The following ACOX3 variants were observed in gnomAD, a reference collection of about 807,000 sequenced individuals.
The protein encoded by ACOX3 is acyl-CoA oxidase 3, pristanoyl.
Under a neutral mutation model 81.5 loss-of-function variants are expected in ACOX3, and 73 were observed. The ratio of observed to expected loss-of-function variants is 0.90; its 90% CI spans 0.74 to 1.09. The LOEUF is 1.09. Ranked by LOEUF, ACOX3 falls within the 50% of genes least tolerant of loss-of-function variation. The pLI is 0.00. For missense variants in ACOX3, 947 were observed against 928.0 expected, an observed-to-expected ratio of 1.02 and a Z score of -0.27; for synonymous variants, 387 against 375.1, an observed-to-expected ratio of 1.03 and a Z score of -0.37.
intron 1 of ACOX3, among the ~76,000 whole-genome samples, chr4:8,429,913 A>C (rs1723856698): frequency 6.6e-6 from 1 of 151,820 alleles, no homozygotes; most frequent in Admixed American, 6.6e-5. Flanking sequence ...TCTGCATTAA[A>C]AAAAAAAAAG....
chr4:8,425,375 T>G (rs747182242), intron 1 of ACOX3, among the ~76,000 whole-genome samples: 4 of 151,958 alleles, frequency 2.6e-5, no homozygotes, highest in Non-Finnish European at 4.4e-5. Context: ...CATAGTTTCT[T>G]CCCCTCAGGA....
At position 8,416,013 on chromosome 4, in the gene ACOX3, A is replaced by C. The variant is rs753045953; in HGVS notation, c.145-14T>G. On this transcript the variant is annotated splice_polypyrimidine_tract_variant and intron_variant, in intron 2 of 17. Coordinates refer to ENST00000356406, the MANE Select transcript of ACOX3 (RefSeq NM_003501.3). The surrounding 1 kb of genome is among the most constrained non-coding windows in gnomAD (Gnocchi z 4.2). The stretch of plus-strand genomic sequence containing the variant: ...GAAGATGGTTTTCTGGAAATGCAGG[A>C]GATGGGTAAGGCTTATTTGGAGTAA... 1 of 1,610,420 alleles carries C rather than the reference A, an allele frequency of 6.2e-7. No individual in the cohort carries two copies. Among genetic ancestry groups the C allele is most frequent in the Non-Finnish European group, 8.5e-7 (1 of 1,176,852 alleles).
At position 8,389,359 on chromosome 4, in the gene ACOX3, C is replaced by A. The variant is rs1718690043; in HGVS notation, c.1424-73G>T. On this transcript the variant is annotated intron_variant, in intron 12 of 17. Coordinates refer to ENST00000356406, the MANE Select transcript of ACOX3 (RefSeq NM_003501.3). The surrounding 1 kb of genome is among the most constrained non-coding windows in gnomAD (Gnocchi z 5.3). ...CATTGGGAACCCCAAGCTGGGGGCA[C>A]CCCAAAGCACAGAGAGTGTCCAGAG... The A allele has an allele frequency of 6.8e-7, 1 of 1,461,682 alleles. No homozygotes were observed. The highest frequency in any genetic ancestry group is 1.4e-5 in the African/African-American group (1 of 71,656). The allele number at this position is 1,461,682 out of a possible 1,614,324, so 90.5% of individuals were successfully genotyped here.
Position 8,406,142 on chromosome 4 carries a change from AAC to A in ACOX3, c.688-101_688-100del. 2.6e-6 allele frequency: 3 copies of A among 1,162,004 alleles called. No homozygotes were observed. The highest frequency in any genetic ancestry group is 3.8e-6 in the Non-Finnish European group (3 of 779,676). The allele number at this position is 1,162,004 out of a possible 1,614,324, so 72.0% of individuals were successfully genotyped here. On this transcript the variant is annotated intron_variant, in intron 6 of 17. Transcript: ENST00000356406. The surrounding 1 kb of genome is among the most constrained non-coding windows in gnomAD (Gnocchi z 5.6). ...AACCCACAGGGTGGGCCATGGGCTCAACGCTGGGCGGCTGTGGGTTAAACCAT... is the reference window on the plus strand; with the variant it reads ...AACCCACAGGGTGGGCCATGGGCTCAGCTGGGCGGCTGTGGGTTAAACCAT...
the ACOX3 span, among the ~76,000 whole-genome samples, chr4:8,361,015 TA>T: frequency 9.2e-5 from 14 of 151,840 alleles, 1 homozygote; most frequent in Non-Finnish European, 2.9e-5. Flanking sequence ...TTAAGACTGC[TA>T]AAAAAAACAG....
chr4:8,404,435 CTTTTT>C (rs370622347), intron 7 of ACOX3, among the ~76,000 whole-genome samples: 14 of 125,382 alleles, frequency 1.1e-4, no homozygotes, highest in African/African-American at 3.3e-4. Context: ...TCTTGTTTTG[CTTTTT>C]TTTTTTTTTT....
At position 8,384,296 on chromosome 4, in the gene ACOX3, A is replaced by C. The variant is rs908032538; in HGVS notation, c.1538-2689T>G. Among the ~76,000 whole-genome samples the C allele has an allele frequency of 7.9e-5, 12 of 152,206 alleles. No individual in the cohort carries two copies. The highest frequency in any genetic ancestry group is 2.9e-4 in the African/African-American group (12 of 41,454). Reference sequence around the variant, plus strand: ...TAAATCATGTCAGTCTGATGTGTTCATGTGCAGGGGAGAAGATCCCCAAAA... The same window carrying C: ...TAAATCATGTCAGTCTGATGTGTTCCTGTGCAGGGGAGAAGATCCCCAAAA... On this transcript the variant is annotated intron_variant, in intron 13 of 17. Coordinates refer to ENST00000356406, the MANE Select transcript of ACOX3 (RefSeq NM_003501.3). The surrounding 1 kb of genome is among the most constrained non-coding windows in gnomAD (Gnocchi z 5.3).
chr4:8,358,091 G>A, the ACOX3 span: 6 of 152,200 alleles, frequency 3.9e-5, no homozygotes, highest in Admixed American at 2.0e-4. Flanking sequence ...ACGGGACTCC[G>A]GTATAGCATC....
chr4:8,440,596 C>T (rs1724567521), intron 1 of ACOX3, 52 bp downstream of exon 1: 10 of 502,778 alleles, frequency 2.0e-5, no homozygotes, highest in South Asian at 4.1e-5. Flanking sequence ...TGTAACTATA[C>T]CACGCCCAGA....
chr4:8,433,767 G>A (rs1724077647), intron 1 of ACOX3, among the ~76,000 whole-genome samples: 1 of 152,188 alleles, frequency 6.6e-6, no homozygotes. Flanking sequence ...AGGGATTAAT[G>A]TACAAAAGTA....
At chr4:8,390,890 G>GT (rs1251254325) in intron 11 of ACOX3, among the ~76,000 whole-genome samples, 1 of 152,152 alleles carries the variant, frequency 6.6e-6, no homozygotes, top group Non-Finnish European at 1.5e-5. Context: ...TTCCTGCCAC[G>GT]TAACAGGTTG....
chr4:8,394,880 T>C lies in ACOX3; in HGVS notation c.1057-138A>G, dbSNP rs1719511098. 8.5e-7 allele frequency: 1 copy of C among 1,171,600 alleles called. No individual in the cohort carries two copies. The highest frequency in any genetic ancestry group is 1.2e-6 in the Non-Finnish European group (1 of 861,726). The allele number at this position is 1,171,600 out of a possible 1,614,324, so 72.6% of individuals were successfully genotyped here. A position where few individuals can be genotyped will look rare whatever the true frequency, so the allele number is the denominator to read the frequency against. ...TAGCGCTGAAGGTCTTCACATGTCT[T>C]CCCGGCACATCAGAAAGCCTTCACC... is the stretch of plus-strand genomic sequence containing the variant. On this transcript the variant is annotated intron_variant, in intron 9 of 17. Transcript: ENST00000356406. The surrounding 1 kb of genome is among the most constrained non-coding windows in gnomAD (Gnocchi z 5.9).
chr4:8,377,877 G>A (rs1164215862), intron 14 of ACOX3, among the ~76,000 whole-genome samples: 1 of 152,204 alleles, frequency 6.6e-6, no homozygotes, highest in Non-Finnish European at 1.5e-5. Flanking sequence ...TACGGTTAGG[G>A]CTGGCGCACT....
intron 15 of ACOX3, chr4:8,373,868 G>A: frequency 1.7e-6 from 1 of 573,440 alleles, no homozygotes. Flanking sequence ...GGCAGCGAGG[G>A]AGGCAAGGTC....
In ACOX3 at chr4:8,368,439, A is replaced by G. The variant is rs1359245846; in HGVS notation, c.1984-1359T>C. 6.6e-6 allele frequency among the ~76,000 whole-genome samples: 1 copy of G among 152,218 alleles called. No individual in the cohort carries two copies. Among genetic ancestry groups the G allele is most frequent in the African/African-American group, 2.4e-5 (1 of 41,458 alleles). ...GGCCTGGGGAGGTGGTCTATTGTGTATCCAGCTTACGCTGACCCATTTTAT... is the reference window on the plus strand; with the variant it reads ...GGCCTGGGGAGGTGGTCTATTGTGTGTCCAGCTTACGCTGACCCATTTTAT... On this transcript the variant is annotated intron_variant, in intron 17 of 17. Coordinates refer to ENST00000356406, the MANE Select transcript of ACOX3 (RefSeq NM_003501.3). The surrounding 1 kb of genome is among the most constrained non-coding windows in gnomAD (Gnocchi z 5.9).
intron 16 of ACOX3, among the ~76,000 whole-genome samples, chr4:8,372,607 C>T (rs556580604): frequency 5.5e-4 from 84 of 152,272 alleles, no homozygotes; most frequent in Non-Finnish European, 8.4e-4. Context: ...CACATACGTG[C>T]GCCACAATCA....
intron 11 of ACOX3, 41 bp downstream of exon 11, chr4:8,392,292 G>A (rs1039123175): frequency 6.9e-7 from 1 of 1,456,990 alleles, no homozygotes; most frequent in Non-Finnish European, 9.1e-7. Flanking sequence ...AAACAGCAGG[G>A]CTAAGGACAG....
In ACOX3 at chr4:8,437,036, T is replaced by G. The variant is rs779960192; in HGVS notation, c.-15+3612A>C. On this transcript the variant is annotated intron_variant, in intron 1 of 17. Transcript: ENST00000356406. This position sits in a 1 kb window ranked among gnomAD's most constrained non-coding sequence, Gnocchi z 5.2. ...GCATATATATATATTCGAAAAAATA[T>G]ATATAAATATATATATACAAATATA... Among the ~76,000 whole-genome samples the G allele has an allele frequency of 1.2e-4, 17 of 143,882 alleles. No individual in the cohort carries two copies. The South Asian group carries it at 1.7e-3, about 15-fold the overall frequency. The allele number at this position is 143,882 out of a possible 152,430, so 94.4% of individuals were successfully genotyped here.
chr4:8,372,906 G>A (rs987745599), intron 16 of ACOX3, among the ~76,000 whole-genome samples: 3 of 152,176 alleles, frequency 2.0e-5, no homozygotes, highest in African/African-American at 7.2e-5. Context: ...CTCAAAATCA[G>A]TGCAATGAAA....
Sources: allele counts gnomAD v4.1 joint callset (sites outside exome capture counted in the v4.1 genomes callset), GRCh38; gene constraint gnomAD v4.1.1; non-coding constraint Gnocchi (gnomAD v3.1); transcripts MANE v1.5; gene names NCBI Gene and HGNC (gene_info 2026-07-23, HGNC 2026-07-21).